Variants in CMTR1 observed in about 807,000 individuals in gnomAD.
CMTR1 encodes cap methyltransferase 1, also known as cap-specific mRNA (nucleoside-2'-O-)-methyltransferase 1.
CMTR1 carries 39 observed loss-of-function variants against 107.0 expected under a neutral mutation model. That is an observed-to-expected ratio of 0.36 (90% CI 0.28 to 0.48). The LOEUF (loss-of-function observed/expected upper bound fraction) is 0.48. Among genes scored for constraint, CMTR1 ranks in the 20% least tolerant of loss-of-function variants. CMTR1 has a pLI of 0.99. For missense variants in CMTR1, 672 were observed against 1,064.9 expected (o/e 0.63, Z 5.14); for synonymous variants, 366 against 379.5 (o/e 0.96, Z 0.41).
rs113035041 is a variant in CMTR1 at position 37,445,788 on chromosome 6, C to T, written c.286-503C>T. ...GATTACAGACTTGAGCCACCGCGCC[C>T]GGTCCCATACCTCACTTTTACATGA... On this transcript the variant is annotated intron_variant, in intron 3 of 23. Transcript: ENST00000373451. 5.4e-3 allele frequency among the ~76,000 whole-genome samples: 827 copies of T among 152,016 alleles called. 4 individuals carry two copies. Among genetic ancestry groups the T allele is most frequent in the Non-Finnish European group, 7.4e-3 (506 of 67,972 alleles).
At chr6:37,440,955 G>C (rs1771661797) in intron 2 of CMTR1, among the ~76,000 whole-genome samples, 1 of 152,180 alleles carries the variant, frequency 6.6e-6, no homozygotes, top group African/African-American at 2.4e-5. Context: ...AGGATACCGG[G>C]TTTTCAGACT....
At chr6:37,446,506 C>T (rs1581732424) in intron 4 of CMTR1, 57 bp downstream of exon 4, 2 of 1,556,990 alleles carry the variant, frequency 1.3e-6, no homozygotes. Context: ...GGATGCATGG[C>T]TTTAAGAAGC....
chr6:37,456,192 A>G (rs922127467), intron 8 of CMTR1, among the ~76,000 whole-genome samples: 1 of 152,240 alleles, frequency 6.6e-6, no homozygotes, highest in African/African-American at 2.4e-5. Flanking sequence ...CCCTCTTTGC[A>G]GTATGTGTAG....
Position 37,471,847 on chromosome 6 carries a change from G to A in CMTR1, c.1563G>A (p.Thr521=). 6.2e-7 allele frequency: 1 copy of A among 1,613,874 alleles called. No homozygotes were observed. Among genetic ancestry groups the A allele is most frequent in the Admixed American group, 1.7e-5 (1 of 60,018 alleles). Residue 521 remains threonine, a splice_region_variant and synonymous_variant, in exon 15 of 24, where the codon ACG becomes ACA. Coordinates refer to ENST00000373451, the MANE Select transcript of CMTR1 (RefSeq NM_015050.3). ...LAKIHAFVQD[T]TLSEPRQAEI... ...TCACTAACTGGCTTCATATTCCCAG[G>A]ACACTGAGTGAGCCTCGACAGGCAG...
chr6:37,475,624 C>T, intron 19 of CMTR1: 1 of 592,302 alleles, frequency 1.7e-6, no homozygotes, highest in South Asian at 2.0e-5. Flanking sequence ...CCCTGGTTAT[C>T]AGAGATACCA....
intron 13 of CMTR1, among the ~76,000 whole-genome samples, chr6:37,469,144 CAAAAACA>C (rs1189344262): frequency 2.0e-5 from 3 of 151,548 alleles, no homozygotes; most frequent in South Asian, 4.2e-4. Flanking sequence ...AAAAAAAAAA[CAAAAACA>C]AAAAACAAAA....
chr6:37,477,619 G>A lies in CMTR1; in HGVS notation c.2133G>A (p.Glu711=). The A allele has an allele frequency of 6.2e-7, 1 of 1,613,700 alleles. No homozygotes were observed. The highest frequency in any genetic ancestry group is 8.5e-7 in the Non-Finnish European group (1 of 1,179,704). ...IRVKEVYRLE[E]MEKIFVRLEM... is the part of the protein sequence containing the mutation. ...TGAAGGAGGTGTACAGACTGGAAGA[G>A]ATGGAGAAGATTTTTGTCAGGTGAG... The change falls in exon 21 of 24, where the codon GAG becomes GAA. Residue 711 remains glutamate (E), a synonymous_variant. Transcript: ENST00000373451.
chr6:37,446,554 G>A, intron 4 of CMTR1, 105 bp downstream of exon 4: 1 of 1,345,376 alleles, frequency 7.4e-7, no homozygotes, highest in Non-Finnish European at 1.0e-6. Flanking sequence ...GGCAGTATGA[G>A]CAAAGTGGAA....
At chr6:37,477,740 G>C in intron 21 of CMTR1, 101 bp downstream of exon 21, 1 of 429,542 alleles carries the variant, frequency 2.3e-6, no homozygotes, top group South Asian at 1.6e-5. Context: ...GGGGGCGGGG[G>C]GTGGTGAGCT....
At chr6:37,436,650 A>G (rs1270917547) in intron 2 of CMTR1, among the ~76,000 whole-genome samples, 1 of 151,578 alleles carries the variant, frequency 6.6e-6, no homozygotes, top group African/African-American at 2.4e-5. Context: ...CTCTGCCTCT[A>G]CCTTTCCTCT....
chr6:37,457,436 C>T (rs1445843333), intron 8 of CMTR1, among the ~76,000 whole-genome samples: 1 of 151,984 alleles, frequency 6.6e-6, no homozygotes, highest in African/African-American at 2.4e-5. Flanking sequence ...CCACACCCAG[C>T]GCTGGGCAGG....
rs1761644585 is a variant in CMTR1, at chr6:37,472,326, G to T, written c.1621-93G>T. On this transcript the variant is annotated intron_variant, in intron 15 of 23. Transcript: ENST00000373451. This position sits in a 1 kb window ranked among gnomAD's most constrained non-coding sequence, Gnocchi z 4.1. Reference sequence around the variant, plus strand: ...TGTTGTGTGCCATTCCTCCTCCCCAGTCTGACCCTATCTCCTCCACCTGCA... The same window carrying T: ...TGTTGTGTGCCATTCCTCCTCCCCATTCTGACCCTATCTCCTCCACCTGCA... 24 of 1,159,428 alleles carry T rather than the reference G, an allele frequency of 2.1e-5. No homozygotes were observed. In the South Asian group the frequency reaches 2.6e-4, roughly 13 times the overall value. 71.8% of individuals were successfully genotyped at this position (1,159,428 alleles called of 1,614,324 possible). A position where few individuals can be genotyped will look rare whatever the true frequency, so the allele number is the denominator to read the frequency against.
In CMTR1 at chr6:37,444,121, A is replaced by G. The variant is rs762377159; in HGVS notation, c.256A>G (p.Met86Val). 7.4e-6 allele frequency: 12 copies of G among 1,614,198 alleles called. No individual in the cohort carries two copies. In the South Asian group the frequency reaches 8.8e-5, roughly 12 times the overall value. The change falls in exon 3 of 24, where the codon ATG becomes GTG. Residue 86 changes from methionine (M) to valine (V), a missense_variant. By Grantham distance (21) the Met-to-Val change is conservative (BLOSUM62 1). Around this residue, in one of 2 missense-constraint regions of CMTR1, gnomAD observed 583 missense variants for 968.4 expected, o/e 0.60. Coordinates refer to ENST00000373451, the MANE Select transcript of CMTR1 (RefSeq NM_015050.3). ...LVEGTSSRYS[M>V]YNSVSQKLMA... ...GGAAGGAACTTCTTCTCGCTATTCC[A>G]TGTATAATAGCGTCTCCCAGAAGCT...
chr6:37,475,268 G>A, intron 18 of CMTR1, 53 bp from the exon 19 acceptor site: 1 of 1,424,668 alleles, frequency 7.0e-7, no homozygotes, highest in East Asian at 2.3e-5. Context: ...GGGTAGTGGG[G>A]GCTGAAGGCT....
At chr6:37,436,414 G>GT (rs1172912565) in intron 2 of CMTR1, 1 of 152,208 alleles carries the variant, frequency 6.6e-6, no homozygotes, top group Non-Finnish European at 1.5e-5. Context: ...CTTGCCAGCT[G>GT]TATTAGTTTC....
In CMTR1 at chr6:37,480,928, G is replaced by A. The variant is rs41272226; in HGVS notation, c.*783G>A. 12,396 of 1,223,588 alleles carry A rather than the reference G, an allele frequency of 0.01. 73 individuals are homozygous for A. The highest frequency in any genetic ancestry group is 0.012 in the Non-Finnish European group (11,104 of 959,630). 75.8% of individuals were successfully genotyped at this position (1,223,588 alleles called of 1,614,324 possible). ...GCGCTAGATGGCAGGAAGCAGCCTTGAAGACCCGTCTTTCCCCCACAGCAG... is the reference window on the plus strand; with the variant it reads ...GCGCTAGATGGCAGGAAGCAGCCTTAAAGACCCGTCTTTCCCCCACAGCAG... On this transcript the variant is annotated 3_prime_UTR_variant, in exon 24 of 24. Coordinates refer to ENST00000373451, the MANE Select transcript of CMTR1 (RefSeq NM_015050.3).
chr6:37,451,407 T>C (rs1761169372), intron 5 of CMTR1, among the ~76,000 whole-genome samples: 1 of 152,308 alleles, frequency 6.6e-6, no homozygotes, highest in African/African-American at 2.4e-5. Context: ...TGGTATCATG[T>C]ATTTCTACTC....
Position 37,479,019 on chromosome 6 carries a change from G to A in CMTR1, c.2267-128G>A, listed in dbSNP as rs955118253. On this transcript the variant is annotated intron_variant, in intron 22 of 23. Transcript: ENST00000373451. ...CTGGTGATGAAGGCTGCTGCCTCAC[G>A]GGCTATTCCCTGCTTGCTTTTGGTG... is the stretch of plus-strand genomic sequence containing the variant. The A allele has an allele frequency of 1.9e-5, 12 of 640,660 alleles. 1 individual carries two copies. Among genetic ancestry groups the A allele is most frequent in the South Asian group, 1.6e-4 (9 of 54,702 alleles). 39.7% of individuals were successfully genotyped at this position (640,660 alleles called of 1,614,324 possible). A position where few individuals can be genotyped will look rare whatever the true frequency, so the allele number is the denominator to read the frequency against.
intron 2 of CMTR1, among the ~76,000 whole-genome samples, chr6:37,439,058 T>C (rs1771607648): frequency 6.6e-6 from 1 of 152,222 alleles, no homozygotes; most frequent in South Asian, 2.1e-4. Flanking sequence ...TAAATCAATG[T>C]AATGACTCAT....
Sources: allele counts gnomAD v4.1 joint callset (sites outside exome capture counted in the v4.1 genomes callset), GRCh38; gene constraint gnomAD v4.1.1; regional missense constraint gnomAD v4.1.1; non-coding constraint Gnocchi (gnomAD v3.1); transcripts MANE v1.5; gene names NCBI Gene and HGNC (gene_info 2026-07-23, HGNC 2026-07-21).